The following GTF2H2C variants were observed in gnomAD, a reference collection of about 807,000 sequenced individuals.
GTF2H2C encodes general transcription factor IIH subunit 2-like protein.
A neutral mutation model predicts 24.8 loss-of-function variants in GTF2H2C; 5 were observed. That is an observed-to-expected ratio of 0.20 (90% confidence interval 0.11 to 0.42). GTF2H2C has a LOEUF of 0.42. Among genes scored for constraint, GTF2H2C ranks in the 20% least tolerant of loss-of-function variants. The probability of loss-of-function intolerance (pLI) is 1.00; values close to 1 mark genes in which losing one functional copy is unlikely to be tolerated. For missense variants in GTF2H2C, 45 were observed against 169.8 expected, an observed-to-expected ratio of 0.27 and a Z score of 4.08; for synonymous variants, 14 against 52.6, an observed-to-expected ratio of 0.27 and a Z score of 3.18.
intron 2 of GTF2H2C, among the ~76,000 whole-genome samples, chr5:69,563,820 C>T (rs1770563941): frequency 6.6e-6 from 1 of 151,866 alleles, no homozygotes; most frequent in African/African-American, 2.4e-5. Flanking sequence ...TTTTTTAGGC[C>T]AGAGTGCAGT....
intron 9 of GTF2H2C, among the ~76,000 whole-genome samples, chr5:69,573,088 G>A (rs1361209847): frequency 7.3e-6 from 1 of 136,916 alleles, no homozygotes; most frequent in Non-Finnish European, 1.6e-5. Flanking sequence ...TATATATAAA[G>A]CTTATATATA....
In GTF2H2C at chr5:69,566,631, T is replaced by C; in HGVS notation, c.171+6T>C. 3 of 1,410,740 alleles carry C rather than the reference T, an allele frequency of 2.1e-6. No individual in the cohort carries two copies. The highest frequency in any genetic ancestry group is 2.9e-6 in the Non-Finnish European group (3 of 1,050,716). The allele number at this position is 1,410,740 out of a possible 1,614,324, so 87.4% of individuals were successfully genotyped here. A position where few individuals can be genotyped will look rare whatever the true frequency, so the allele number is the denominator to read the frequency against. ...GACAAGTTCGACTTGGAATGGTATG[T>C]CATTATTTTTTCTTTTACTAGTACA... On this transcript the variant is annotated splice_donor_region_variant and intron_variant, in intron 5 of 16. Transcript: ENST00000380729.
At chr5:69,563,221 T>TA (rs1481954703) in intron 2 of GTF2H2C, among the ~76,000 whole-genome samples, 4 of 133,882 alleles carry the variant, frequency 3.0e-5, no homozygotes, top group Non-Finnish European at 4.8e-5. Context: ...TTTTTTTTTT[T>TA]TTTTTTTTTT....
intron 2 of GTF2H2C, among the ~76,000 whole-genome samples, chr5:69,563,563 G>C (rs572093743): frequency 1.3e-5 from 2 of 152,132 alleles, no homozygotes; most frequent in South Asian, 4.1e-4. Flanking sequence ...TATTTTCACA[G>C]AGTACGTGTG....
Position 69,589,875 on chromosome 5 carries a change from C to CTTTTTT in GTF2H2C, c.1029-434_1029-429dup, listed in dbSNP as rs1160077149. ...AATTTTTTTTTAAATTATTGCTATT[C>CTTTTTT]TTTTTTTTTTTTTTTTTTTTTTTTG... On this transcript the variant is annotated intron_variant, in intron 15 of 16. Transcript: ENST00000380729. 4.4e-3 allele frequency among the ~76,000 whole-genome samples: 264 copies of CTTTTTT among 60,364 alleles called. 5 individuals carry two copies. Among genetic ancestry groups the CTTTTTT allele is most frequent in the African/African-American group, 0.011 (163 of 14,240 alleles). 39.6% of individuals were successfully genotyped at this position (60,364 alleles called of 152,430 possible).
chr5:69,561,022 C>G (rs1182033138), intron 1 of GTF2H2C, among the ~76,000 whole-genome samples: 1 of 152,062 alleles, frequency 6.6e-6, no homozygotes, highest in East Asian at 1.9e-4. Context: ...TCCCACAGTG[C>G]TGGGATTACA....
intron 1 of GTF2H2C, among the ~76,000 whole-genome samples, chr5:69,562,274 C>T (rs190506315): frequency 0.037 from 5,633 of 151,662 alleles, 75 homozygotes; most frequent in Admixed American, 0.057. Context: ...GCCGAGATCG[C>T]GCCATTGCAC....
At chr5:69,560,880 C>T (rs1015300619) in intron 1 of GTF2H2C, among the ~76,000 whole-genome samples, 1 of 151,890 alleles carries the variant, frequency 6.6e-6, no homozygotes, top group Non-Finnish European at 1.5e-5. Flanking sequence ...TCCTCAGCCT[C>T]CCGAGTAGCT....
intron 15 of GTF2H2C, among the ~76,000 whole-genome samples, chr5:69,587,766 G>A (rs1771812967): frequency 7.7e-6 from 1 of 130,144 alleles, no homozygotes; most frequent in Admixed American, 7.3e-5. Context: ...CTAGATCAAT[G>A]TTGTTTTTGA....
chr5:69,577,545 C>T (rs1456951589), intron 9 of GTF2H2C, among the ~76,000 whole-genome samples: 10 of 124,032 alleles, frequency 8.1e-5, no homozygotes, highest in African/African-American at 2.6e-4. Flanking sequence ...CCTGCCACCA[C>T]GTCCGGCTCA....
rs1339583965 is a variant in GTF2H2C at position 69,560,348 on chromosome 5, C to T, written c.-187C>T. ...TGGCGGGGAACGGAGGTTGAATTGC[C>T]CTGCCTGGGCTCATAGGGAAGGAGG... On this transcript the variant is annotated 5_prime_UTR_variant, in exon 1 of 17. Coordinates refer to ENST00000380729, the MANE Select transcript of GTF2H2C (RefSeq NM_001376000.2). 2.0e-5 allele frequency: 3 copies of T among 150,622 alleles called. No individual in the cohort carries two copies. Among genetic ancestry groups the T allele is most frequent in the Non-Finnish European group, 4.4e-5 (3 of 67,598 alleles). 9.3% of individuals were successfully genotyped at this position (150,622 alleles called of 1,614,324 possible). A position where few individuals can be genotyped will look rare whatever the true frequency, so the allele number is the denominator to read the frequency against.
intron 1 of GTF2H2C, among the ~76,000 whole-genome samples, chr5:69,560,881 C>T (rs1770282054): frequency 1.3e-5 from 2 of 151,856 alleles, no homozygotes; most frequent in Admixed American, 1.3e-4. Context: ...CCTCAGCCTC[C>T]CGAGTAGCTG....
rs752839830 is a variant in GTF2H2C, at chr5:69,566,187, T to C, written c.113T>C (p.Leu38Pro). Residue 38 changes from leucine (L) to proline (P), a missense_variant, in exon 4 of 17, where the codon CTA (leucine) becomes CCA (proline). Leu to Pro is a moderately conservative substitution (Grantham distance 98). Transcript: ENST00000380729. Reference protein sequence around the residue: ...GSLKATIEDILFKAKRKRVFE... With the variant: ...GSLKATIEDIPFKAKRKRVFE... Reference sequence around the variant, plus strand: ...CTTAAAGCTACAATAGAAGACATTCTATTCAAGGCAAAGAGAAAAAGGTAT... The same window carrying C: ...CTTAAAGCTACAATAGAAGACATTCCATTCAAGGCAAAGAGAAAAAGGTAT... The C allele has an allele frequency of 1.9e-6, 3 of 1,609,674 alleles. No homozygotes were observed. The South Asian group carries it at 3.3e-5, about 18-fold the overall frequency.
At chr5:69,561,086 T>C (rs2312817) in intron 1 of GTF2H2C, among the ~76,000 whole-genome samples, 2 of 151,916 alleles carry the variant, frequency 1.3e-5, no homozygotes, top group East Asian at 3.9e-4. Context: ...AAATGGACTG[T>C]TGGGAAGTGA....
At position 69,593,992 on chromosome 5, in the gene GTF2H2C, T is replaced by C. The variant is rs796083411; in HGVS notation, c.*1794T>C. ...GTAAATCAGGCTTTCATAGCAAAGG[T>C]ATGTCTATTTTATGTATATAAACTT... On this transcript the variant is annotated 3_prime_UTR_variant, in exon 17 of 17. Coordinates refer to ENST00000380729, the MANE Select transcript of GTF2H2C (RefSeq NM_001376000.2). Among the ~76,000 whole-genome samples, 28 of 95,978 alleles carry C rather than the reference T, an allele frequency of 2.9e-4. No individual in the cohort carries two copies. The South Asian group carries it at 0.011, about 38-fold the overall frequency. The allele number at this position is 95,978 out of a possible 152,430, so 63.0% of individuals were successfully genotyped here.
At chr5:69,564,208 A>G (rs971952887) in intron 2 of GTF2H2C, among the ~76,000 whole-genome samples, 1 of 54,752 alleles carries the variant, frequency 1.8e-5, no homozygotes, top group African/African-American at 7.5e-5. Context: ...TACGTACCAC[A>G]TTTTCTTTAT....
At position 69,572,482 on chromosome 5, in the gene GTF2H2C, T is replaced by G; in HGVS notation, c.402T>G (p.Ala134=). The G allele has an allele frequency of 6.4e-7, 1 of 1,569,704 alleles. No individual in the cohort carries two copies. Among genetic ancestry groups the G allele is most frequent in the Non-Finnish European group, 8.6e-7 (1 of 1,160,262 alleles). The change falls in exon 9 of 17, where the codon GCT becomes GCG. Residue 134 remains alanine, a synonymous_variant. Transcript: ENST00000380729. Reference sequence around the variant, plus strand: ...AACATATAACGTCTTTGAAGGAAGCTGTGGATATGACCTGCCATGGAGAGC... The same window carrying G: ...AACATATAACGTCTTTGAAGGAAGCGGTGGATATGACCTGCCATGGAGAGC... ...PRKHITSLKE[A]VDMTCHGEPS...
intron 8 of GTF2H2C, chr5:69,568,441 GT>G: frequency 4.7e-6 from 1 of 212,128 alleles, no homozygotes; most frequent in Non-Finnish European, 8.8e-6. Flanking sequence ...GAATATAAAT[GT>G]TTTTATTTAA....
rs1200522855 is a variant in GTF2H2C at position 69,573,143 on chromosome 5, TATACACACACACACACACACAC to T, written c.470+595_470+616del. On this transcript the variant is annotated intron_variant, in intron 9 of 16. Transcript: ENST00000380729. The stretch of plus-strand genomic sequence containing the variant: ...AGTTAAAGCTTATATATCTATTATA[TATACACACACACACACACACAC>T]ACACACACACACACACACGTATATA... Among the ~76,000 whole-genome samples the T allele has an allele frequency of 8.7e-5, 8 of 92,048 alleles. No homozygotes were observed. In the Admixed American group the frequency reaches 9.5e-4, roughly 11 times the overall value. 60.4% of individuals were successfully genotyped at this position (92,048 alleles called of 152,430 possible). A position where few individuals can be genotyped will look rare whatever the true frequency, so the allele number is the denominator to read the frequency against.
Sources: allele counts gnomAD v4.1 joint callset (sites outside exome capture counted in the v4.1 genomes callset), GRCh38; gene constraint gnomAD v4.1.1; transcripts MANE v1.5; gene names NCBI Gene and HGNC (gene_info 2026-07-23, HGNC 2026-07-21).